TM7SF3: variants seen among roughly 807,000 people sequenced by gnomAD.
TM7SF3 encodes seven span transmembrane protein.
Under a neutral mutation model 65.5 loss-of-function variants are expected in TM7SF3, and 60 were observed. That is an observed-to-expected ratio of 0.92 (90% CI 0.74 to 1.14). The LOEUF (loss-of-function observed/expected upper bound fraction) is 1.14, where lower values mean the gene tolerates loss of function less well. Ranked by LOEUF, TM7SF3 falls within the 50% of genes most tolerant of loss-of-function variation. TM7SF3 has a pLI of 0.00. For synonymous variants in TM7SF3, 264 were observed against 259.6 expected, an observed-to-expected ratio of 1.02 and a Z score of -0.16; for missense variants, 623 against 684.8, an observed-to-expected ratio of 0.91 and a Z score of 1.01.
At chr12:26,998,539 T>G (rs752918042) in intron 3 of TM7SF3, among the ~76,000 whole-genome samples, 6 of 152,212 alleles carry the variant, frequency 3.9e-5, no homozygotes, top group Non-Finnish European at 8.8e-5. Flanking sequence ...TGTATCACTA[T>G]TTCCCTGCTG....
chr12:26,998,975 A>G (rs1940715353), intron 3 of TM7SF3, among the ~76,000 whole-genome samples: 1 of 152,238 alleles, frequency 6.6e-6, no homozygotes, highest in Non-Finnish European at 1.5e-5. Flanking sequence ...ACTGTTAAGG[A>G]CTATGTCTTG....
chr12:27,010,886 T>C (rs1941219694), intron 1 of TM7SF3, among the ~76,000 whole-genome samples: 1 of 152,364 alleles, frequency 6.6e-6, no homozygotes, highest in Middle Eastern at 3.4e-3. Context: ...ACTTTCCTTT[T>C]TCTTTCCGAA....
intron 7 of TM7SF3, 109 bp downstream of exon 7, chr12:26,982,664 T>C: frequency 5.8e-6 from 4 of 690,224 alleles, no homozygotes; most frequent in Non-Finnish European, 9.3e-6. Context: ...CAGCTACAAA[T>C]CTATGAAGAT....
Position 27,012,995 on chromosome 12 carries a change from C to CAAAAAA in TM7SF3, c.91+1077_91+1082dup, listed in dbSNP as rs772325397. On this transcript the variant is annotated intron_variant, in intron 1 of 11. Transcript: ENST00000343028. The stretch of plus-strand genomic sequence containing the variant: ...CCTAGGCGACAGAGCGAGACTCCGT[C>CAAAAAA]AAAAAAAAAAAAAAAAAAAGTCACC... 3.4e-5 allele frequency: 4 copies of CAAAAAA among 117,040 alleles called. No homozygotes were observed. The South Asian group carries it at 7.8e-4, about 23-fold the overall frequency. The allele number at this position is 117,040 out of a possible 1,614,324, so 7.3% of individuals were successfully genotyped here.
intron 8 of TM7SF3, 171 bp from the exon 9 acceptor site, chr12:26,980,107 G>T: frequency 1.4e-6 from 1 of 734,026 alleles, no homozygotes; most frequent in Non-Finnish European, 2.2e-6. Flanking sequence ...CTAGGGAGGG[G>T]TCTGGGCTGA....
In TM7SF3 at chr12:26,976,293, G is replaced by A. The variant is rs750146826; in HGVS notation, c.1254C>T (p.Leu418=). The A allele has an allele frequency of 8.7e-6, 14 of 1,613,802 alleles. No homozygotes were observed. Among genetic ancestry groups the A allele is most frequent in the Non-Finnish European group, 1.2e-5 (14 of 1,179,836 alleles). ...GGCAGCCCATGAAAACTACTGGAAT[G>A]AGGATAGCTATGCAAGAGAAAGTGA... The part of the protein sequence containing the change: ...FWVTFSCIAI[L]IPVVFMGCLR... Residue 418 remains leucine, a synonymous_variant, in exon 10 of 12, where the codon CTC becomes CTT. Transcript: ENST00000343028.
chr12:26,977,970 C>T (rs1939645198), intron 9 of TM7SF3: 1 of 323,898 alleles, frequency 3.1e-6, no homozygotes, highest in South Asian at 2.3e-5. Flanking sequence ...GCAGCACACA[C>T]CTGTAGTCCC....
chr12:26,990,183 C>T (rs1030986405), intron 6 of TM7SF3, among the ~76,000 whole-genome samples: 1 of 152,202 alleles, frequency 6.6e-6, no homozygotes, highest in Non-Finnish European at 1.5e-5. Flanking sequence ...CCCTTTCCTA[C>T]TTTATTTATC....
intron 6 of TM7SF3, among the ~76,000 whole-genome samples, chr12:26,989,405 C>A (rs1251425779): frequency 1.3e-5 from 2 of 152,064 alleles, no homozygotes; most frequent in African/African-American, 4.8e-5. Context: ...CCACTGCACT[C>A]CAGATTGGGC....
At chr12:26,977,788 G>A (rs28478352) in intron 9 of TM7SF3, among the ~76,000 whole-genome samples, 3 of 137,822 alleles carry the variant, frequency 2.2e-5, no homozygotes, top group African/African-American at 5.3e-5. Context: ...GTGTGTGTGT[G>A]TGTATGTGTG....
chr12:26,993,435 G>C (rs1267173967), intron 5 of TM7SF3, among the ~76,000 whole-genome samples: 1 of 152,098 alleles, frequency 6.6e-6, no homozygotes. Flanking sequence ...GAATCCAATG[G>C]ACTAAATTCA....
chr12:27,003,490 C>A, intron 1 of TM7SF3, 100 bp from the exon 2 acceptor site: 1 of 1,150,728 alleles, frequency 8.7e-7, no homozygotes, highest in Non-Finnish European at 1.2e-6. Context: ...CTCAGAAAAA[C>A]TCCTTGAGGT....
intron 6 of TM7SF3, among the ~76,000 whole-genome samples, chr12:26,983,945 A>T (rs1939928252): frequency 6.6e-6 from 1 of 152,204 alleles, no homozygotes. Flanking sequence ...AAAACAAGAC[A>T]TCTATACAAT....
chr12:26,985,267 C>T (rs1428711583), intron 6 of TM7SF3, among the ~76,000 whole-genome samples: 1 of 151,976 alleles, frequency 6.6e-6, no homozygotes, highest in Admixed American at 6.6e-5. Context: ...GAGGCTGAGG[C>T]GGGTGGATCA....
At chr12:26,991,240 C>G (rs1940351155) in intron 5 of TM7SF3, among the ~76,000 whole-genome samples, 1 of 150,398 alleles carries the variant, frequency 6.6e-6, no homozygotes, top group Non-Finnish European at 1.5e-5. Flanking sequence ...GCAAGCTCCG[C>G]TTCCCGGGTT....
At chr12:27,001,275 G>A (rs936124925) in intron 2 of TM7SF3, among the ~76,000 whole-genome samples, 6 of 152,252 alleles carry the variant, frequency 3.9e-5, no homozygotes, top group African/African-American at 1.4e-4. Context: ...TGATAATTAA[G>A]GACAACTAAG....
intron 5 of TM7SF3, among the ~76,000 whole-genome samples, chr12:26,993,273 C>T (rs746804832): frequency 9.0e-4 from 137 of 152,252 alleles, no homozygotes; most frequent in Non-Finnish European, 1.5e-3. Context: ...ATGGTGTTTA[C>T]GGCCAATCTC....
chr12:27,005,465 A>G lies in TM7SF3; in HGVS notation c.92-2075T>C, dbSNP rs1334799753. Among the ~76,000 whole-genome samples, 6 of 152,302 alleles carry G rather than the reference A, an allele frequency of 3.9e-5. No homozygotes were observed. In the East Asian group the frequency reaches 1.2e-3, roughly 29 times the overall value. On this transcript the variant is annotated intron_variant, in intron 1 of 11. Transcript: ENST00000343028. ...AATTATCACTTAAATTTGCCCTTTG[A>G]TATTATTTTAGAAAATGTTCTAATA... is the stretch of plus-strand genomic sequence containing the variant.
chr12:26,996,776 T>C lies in TM7SF3; in HGVS notation c.484A>G (p.Ile162Val), dbSNP rs745668234. Residue 162 changes from isoleucine to valine, a missense_variant, in exon 4 of 12, where the codon ATC becomes GTC. Transcript: ENST00000343028. ...CCTAGGTTTGCTGGGGCAAACTTGA[T>C]AGTCGTTTCAAAGAAATTATACTCC... ...YLEYNFFETT[I>V]KFAPANLGYA... The C allele has an allele frequency of 1.9e-6, 3 of 1,613,548 alleles. No individual in the cohort carries two copies. Among genetic ancestry groups the C allele is most frequent in the Non-Finnish European group, 2.5e-6 (3 of 1,179,854 alleles).
Sources: allele counts gnomAD v4.1 joint callset (sites outside exome capture counted in the v4.1 genomes callset), GRCh38; gene constraint gnomAD v4.1.1; transcripts MANE v1.5; gene names NCBI Gene and HGNC (gene_info 2026-07-23, HGNC 2026-07-21).